Variants in PAX3 observed in about 807,000 individuals in gnomAD.
The protein encoded by PAX3 is paired box 3.
A neutral mutation model predicts 51.6 loss-of-function variants in PAX3; 14 were observed. The observed-to-expected ratio is 0.27, with a 90% CI of 0.18 to 0.42. The LOEUF (loss-of-function observed/expected upper bound fraction) is 0.42, where lower values mean the gene tolerates loss of function less well. Ranked by LOEUF, PAX3 falls within the 10% of genes least tolerant of loss-of-function variation. PAX3 has a pLI of 1.00. For missense variants in PAX3, 540 were observed against 642.8 expected, an observed-to-expected ratio of 0.84 and a Z score of 1.73; for synonymous variants, 280 against 253.4, an observed-to-expected ratio of 1.11 and a Z score of -1.00.
intron 4 of PAX3, among the ~76,000 whole-genome samples, chr2:222,239,225 A>C (rs542570560): frequency 1.6e-4 from 25 of 152,308 alleles, no homozygotes; most frequent in African/African-American, 5.8e-4. Flanking sequence ...TGTGGAATCC[A>C]TCAGCAGGGC....
intron 4 of PAX3, among the ~76,000 whole-genome samples, chr2:222,288,229 G>A (rs1350602223): frequency 2.0e-5 from 3 of 152,212 alleles, no homozygotes; most frequent in African/African-American, 2.4e-5. Flanking sequence ...CAACAACTGG[G>A]AGGCTGTGCT....
At chr2:222,219,828 C>A (rs1318765379) in intron 7 of PAX3, among the ~76,000 whole-genome samples, 1 of 152,138 alleles carries the variant, frequency 6.6e-6, no homozygotes, top group Non-Finnish European at 1.5e-5. Context: ...CCACTGTTTG[C>A]AAGCTTCTTA....
intron 7 of PAX3, among the ~76,000 whole-genome samples, chr2:222,211,462 C>T (rs1691730239): frequency 6.6e-6 from 1 of 152,154 alleles, no homozygotes; most frequent in Non-Finnish European, 1.5e-5. Flanking sequence ...ACCCCCTTAT[C>T]TGCCTCATCC....
chr2:222,221,066 A>G (rs975708633), intron 6 of PAX3, among the ~76,000 whole-genome samples, 156 bp downstream of exon 6: 1 of 152,254 alleles, frequency 6.6e-6, no homozygotes, highest in Admixed American at 6.5e-5. Context: ...AGAACAAACT[A>G]TGTTTCTGAA....
chr2:222,218,563 A>G (rs1267938152), intron 7 of PAX3, among the ~76,000 whole-genome samples: 1 of 152,206 alleles, frequency 6.6e-6, no homozygotes. Flanking sequence ...CCAAAACTAC[A>G]AATCTTAAAA....
At chr2:222,278,058 C>T (rs1012059607) in intron 4 of PAX3, among the ~76,000 whole-genome samples, 10 of 151,708 alleles carry the variant, frequency 6.6e-5, no homozygotes. Flanking sequence ...TCCAGTGTGG[C>T]CCAAGGAGCC....
chr2:222,280,204 T>C (rs1361092787), intron 4 of PAX3, among the ~76,000 whole-genome samples: 1 of 147,394 alleles, frequency 6.8e-6, no homozygotes, highest in Non-Finnish European at 1.5e-5. Context: ...AGAGTGAAAC[T>C]CTGTCAGGAA....
At chr2:222,296,634 A>G (rs942441773) in intron 2 of PAX3, among the ~76,000 whole-genome samples, 2 of 152,160 alleles carry the variant, frequency 1.3e-5, no homozygotes, top group Non-Finnish European at 2.9e-5. Context: ...AGCCGGGAAG[A>G]CACTTAGGGA....
At chr2:222,242,188 G>GT (rs1216438472) in intron 4 of PAX3, among the ~76,000 whole-genome samples, 18 of 151,760 alleles carry the variant, frequency 1.2e-4, no homozygotes, top group Middle Eastern at 3.2e-3. Context: ...TTGAAACCAC[G>GT]TTTTTTTTGA....
intron 4 of PAX3, among the ~76,000 whole-genome samples, chr2:222,280,303 G>A (rs1401250004): frequency 7.3e-6 from 1 of 136,752 alleles, no homozygotes; most frequent in African/African-American, 2.8e-5. Context: ...GAGAGAGGGA[G>A]GGAAGGAGGG....
At chr2:222,201,499 G>A in intron 8 of PAX3, 57 bp from the exon 9 acceptor site, 3 of 1,598,222 alleles carry the variant, frequency 1.9e-6, no homozygotes, top group East Asian at 2.2e-5. Flanking sequence ...ACAGTCAGGG[G>A]CAAGATCAGC....
intron 4 of PAX3, chr2:222,293,489 A>C (rs1027606915): frequency 2.4e-5 from 17 of 718,336 alleles, no homozygotes; most frequent in African/African-American, 7.1e-5. Context: ...GGGGATCTGT[A>C]CCCCTAGAAG....
In PAX3 at chr2:222,200,937, G is replaced by A. The variant is rs1046556311; in HGVS notation, c.*471C>T. 3.5e-6 allele frequency: 2 copies of A among 567,710 alleles called. No homozygotes were observed. Among genetic ancestry groups the A allele is most frequent in the African/African-American group, 1.9e-5 (1 of 53,340 alleles). 35.2% of individuals were successfully genotyped at this position (567,710 alleles called of 1,614,324 possible). A position where few individuals can be genotyped will look rare whatever the true frequency, so the allele number is the denominator to read the frequency against. Reference sequence around the variant, plus strand: ...TGAAATGAGCAGTTTTAAAGTTGTAGAAGTATCAGCATCGAACATCGACAT... The same window carrying A: ...TGAAATGAGCAGTTTTAAAGTTGTAAAAGTATCAGCATCGAACATCGACAT... On this transcript the variant is annotated 3_prime_UTR_variant, in exon 9 of 9. Coordinates refer to ENST00000392070, the MANE Select transcript of PAX3 (RefSeq NM_181458.4).
At chr2:222,204,496 A>G (rs375687858) in intron 7 of PAX3, among the ~76,000 whole-genome samples, 4 of 152,302 alleles carry the variant, frequency 2.6e-5, no homozygotes, top group Non-Finnish European at 4.4e-5. Flanking sequence ...CATTTCTTTT[A>G]GAAGAAAAGA....
chr2:222,295,517 G>A lies in PAX3; in HGVS notation c.451+11C>T, dbSNP rs1695249125. ...TGTCGCGCCTCGGGGAGAGGTTAAT[G>A]GGCCTAGTACCTGACGGCACGGTGT... On this transcript the variant is annotated intron_variant, in intron 3 of 8. Transcript: ENST00000392070. 1 of 1,614,070 alleles carries A rather than the reference G, an allele frequency of 6.2e-7. No homozygotes were observed. The highest frequency in any genetic ancestry group is 8.5e-7 in the Non-Finnish European group (1 of 1,180,008).
intron 4 of PAX3, among the ~76,000 whole-genome samples, chr2:222,282,435 CT>C (rs1041165849): frequency 4.5e-4 from 69 of 152,168 alleles, no homozygotes; most frequent in Non-Finnish European, 2.1e-4. Context: ...TGGATATATA[CT>C]CTCTAAAAAT....
Position 222,221,205 on chromosome 2 carries a change from T to G in PAX3, c.958+17A>C. 6.2e-7 allele frequency: 1 copy of G among 1,613,306 alleles called. No homozygotes were observed. Among genetic ancestry groups the G allele is most frequent in the Non-Finnish European group, 8.5e-7 (1 of 1,179,282 alleles). On this transcript the variant is annotated intron_variant, in intron 6 of 8. Transcript: ENST00000392070. ...CCTGGAAGTTACTTTCTAATCTCCT[T>G]GACTCTTCCTCGGTACCTTGTGGAA...
rs1478482708 is a variant in PAX3, at chr2:222,247,308, G to A, written c.587-15025C>T. On this transcript the variant is annotated intron_variant, in intron 4 of 8. Coordinates refer to ENST00000392070, the MANE Select transcript of PAX3 (RefSeq NM_181458.4). ...GAGTGACAAGAGAAGAAAACCAGTG[G>A]AAGCACAGGAAGACAAATCCCAGGT... Among the ~76,000 whole-genome samples, 3 of 152,156 alleles carry A rather than the reference G, an allele frequency of 2.0e-5. No individual in the cohort carries two copies. In the East Asian group the frequency reaches 5.8e-4, roughly 29 times the overall value.
At position 222,202,477 on chromosome 2, in the gene PAX3, C is replaced by T. The variant is rs45493391; in HGVS notation, c.1174-287G>A. Among the ~76,000 whole-genome samples, 686 of 151,740 alleles carry T rather than the reference C, an allele frequency of 4.5e-3. 5 individuals carry two copies. The highest frequency in any genetic ancestry group is 0.013 in the African/African-American group (524 of 41,358). ...AAGAGGAAAGAGAGAGATTACACCACGTCCCTAGTGATAAAATCAGACTGG... is the reference window on the plus strand; with the variant it reads ...AAGAGGAAAGAGAGAGATTACACCATGTCCCTAGTGATAAAATCAGACTGG... On this transcript the variant is annotated intron_variant, in intron 7 of 8. Transcript: ENST00000392070.
Sources: allele counts gnomAD v4.1 joint callset (sites outside exome capture counted in the v4.1 genomes callset), GRCh38; gene constraint gnomAD v4.1.1; transcripts MANE v1.5; gene names NCBI Gene and HGNC (gene_info 2026-07-23, HGNC 2026-07-21).